RBFOX1: variants seen among roughly 807,000 people sequenced by gnomAD.
The protein encoded by RBFOX1 is RNA binding fox-1 homolog 1, also known as RNA binding protein fox-1 homolog 1.
Under a neutral mutation model 57.7 loss-of-function variants are expected in RBFOX1, and 8 were observed. That is an observed-to-expected ratio of 0.14 (90% CI 0.08 to 0.25). The LOEUF (loss-of-function observed/expected upper bound fraction) is 0.25, where lower values mean the gene tolerates loss of function less well. RBFOX1 is among the 10% of genes least tolerant of loss of function. The probability of loss-of-function intolerance (pLI) is 1.00; values close to 1 mark genes in which losing one functional copy is unlikely to be tolerated. For synonymous variants in RBFOX1, 326 were observed against 222.4 expected (o/e 1.47, Z -4.15); for missense variants, 611 against 548.5 (o/e 1.11, Z -1.14).
chr16:7,333,143 A>G, intron 4 of RBFOX1: 1 of 1,531,366 alleles, frequency 6.5e-7, no homozygotes, highest in Non-Finnish European at 9.0e-7. Context: ...TCAGAGTAAT[A>G]ATTGGAATTT....
chr16:6,004,422 G>A (rs749305087), intron 4 of RBFOX1, among the ~76,000 whole-genome samples: 13 of 152,294 alleles, frequency 8.5e-5, no homozygotes, highest in African/African-American at 2.4e-4. Context: ...TTAGGAAAGT[G>A]TACATAGGAA....
intron 4 of RBFOX1, among the ~76,000 whole-genome samples, chr16:7,299,792 C>A (rs552317362): frequency 2.6e-4 from 39 of 152,212 alleles, no homozygotes; most frequent in African/African-American, 9.4e-4. Flanking sequence ...GTAGATTGAC[C>A]CAAGAGAACT....
intron 4 of RBFOX1, among the ~76,000 whole-genome samples, chr16:7,397,579 C>G (rs1265892793): frequency 6.6e-6 from 1 of 152,158 alleles, no homozygotes; most frequent in African/African-American, 2.4e-5. Flanking sequence ...AGAGTCAGAA[C>G]TGAATGGAAG....
chr16:6,576,784 C>T (rs185584384), intron 2 of RBFOX1: 2 of 152,256 alleles, frequency 1.3e-5, no homozygotes, highest in African/African-American at 2.4e-5. Flanking sequence ...TCCCACAATC[C>T]TGGGGGAAGG....
chr16:7,560,577 G>A (rs4787046), intron 5 of RBFOX1, among the ~76,000 whole-genome samples: 128,762 of 151,340 alleles, frequency 0.85, 56,468 homozygotes, highest in Non-Finnish European at 0.97. Flanking sequence ...CAGCCAAAGC[G>A]TGTCCTGGAG....
At chr16:7,684,600 G>A (rs768402906) in intron 14 of RBFOX1, among the ~76,000 whole-genome samples, 6 of 144,480 alleles carry the variant, frequency 4.2e-5, no homozygotes, top group Non-Finnish European at 9.2e-5. Context: ...GGTTCTAACG[G>A]GTCTTGGGGA....
chr16:5,451,850 G>T (rs957445986), intron 1 of RBFOX1, among the ~76,000 whole-genome samples: 14 of 152,110 alleles, frequency 9.2e-5, no homozygotes, highest in Non-Finnish European at 1.9e-4. Context: ...GGTGGGCTTA[G>T]TCATGCCTAC....
At chr16:7,453,287 G>A (rs1273053208) in intron 4 of RBFOX1, among the ~76,000 whole-genome samples, 2 of 152,130 alleles carry the variant, frequency 1.3e-5, no homozygotes, top group Non-Finnish European at 1.5e-5. Context: ...GGATTGGCAT[G>A]TATGAAGATC....
intron 1 of RBFOX1, among the ~76,000 whole-genome samples, chr16:6,232,103 C>A (rs916698540): frequency 6.6e-6 from 1 of 152,146 alleles, no homozygotes; most frequent in African/African-American, 2.4e-5. Context: ...AATAATCATG[C>A]TGATCCATTT....
intron 1 of RBFOX1, among the ~76,000 whole-genome samples, chr16:5,435,639 G>A (rs766535858): frequency 3.9e-5 from 6 of 152,122 alleles, no homozygotes; most frequent in Non-Finnish European, 8.8e-5. Context: ...GTCACCATAG[G>A]TCCCATGTTT....
rs925259345 is a variant in RBFOX1 at position 5,338,240 on chromosome 16, G to A, written c.219+98135G>A. On this transcript the variant is annotated intron_variant, in intron 1 of 2. Coordinates refer to the RBFOX1 transcript ENST00000585867. Reference sequence around the variant, plus strand: ...CTTGGGAGCCACGTTTTTATTCCACGACCTCAGAATCTTGGCCATAGCTGA... The same window carrying A: ...CTTGGGAGCCACGTTTTTATTCCACAACCTCAGAATCTTGGCCATAGCTGA... 2.0e-5 allele frequency among the ~76,000 whole-genome samples: 3 copies of A among 152,118 alleles called. No individual in the cohort carries two copies. In the South Asian group the frequency reaches 6.3e-4, roughly 32 times the overall value.
intron 4 of RBFOX1, among the ~76,000 whole-genome samples, chr16:7,509,259 G>C (rs891377901): frequency 2.0e-5 from 3 of 152,176 alleles, no homozygotes; most frequent in South Asian, 2.1e-4. Flanking sequence ...TTTATTTTTT[G>C]TTTCTTGAAG....
chr16:7,493,314 A>G (rs1353507520), intron 4 of RBFOX1, among the ~76,000 whole-genome samples: 1 of 152,188 alleles, frequency 6.6e-6, no homozygotes, highest in Non-Finnish European at 1.5e-5. Context: ...GACAGTACAG[A>G]TATGGAATAT....
intron 1 of RBFOX1, among the ~76,000 whole-genome samples, chr16:5,277,709 TC>T (rs1456209626): frequency 6.6e-6 from 1 of 152,190 alleles, no homozygotes; most frequent in Non-Finnish European, 1.5e-5. Context: ...CACTTTGATT[TC>T]CAGGAGCCTA....
At chr16:6,955,348 G>GCACACACACACACA (rs34550051) in intron 3 of RBFOX1, among the ~76,000 whole-genome samples, 2 of 150,230 alleles carry the variant, frequency 1.3e-5, no homozygotes, top group Non-Finnish European at 3.0e-5. Flanking sequence ...CCCCACATAT[G>GCACACACACACACA]CACACACACA....
At chr16:7,473,937 C>T (rs965282844) in intron 4 of RBFOX1, among the ~76,000 whole-genome samples, 2 of 152,124 alleles carry the variant, frequency 1.3e-5, no homozygotes, top group Admixed American at 6.6e-5. Flanking sequence ...TGAACTCTAC[C>T]TATTAACTGG....
chr16:5,969,298 CTTTTT>C (rs71142659), intron 4 of RBFOX1, among the ~76,000 whole-genome samples: 1 of 83,750 alleles, frequency 1.2e-5, no homozygotes, highest in Non-Finnish European at 2.1e-5. Context: ...TTCGGTTGTT[CTTTTT>C]TTTTTTTTTT....
intron 2 of RBFOX1, among the ~76,000 whole-genome samples, chr16:6,394,200 T>C (rs1346885411): frequency 6.6e-6 from 1 of 152,212 alleles, no homozygotes. Flanking sequence ...AGTTGACATA[T>C]TGTTTGACCT....
intron 3 of RBFOX1, among the ~76,000 whole-genome samples, chr16:5,624,350 G>A (rs2005604): frequency 0.49 from 73,993 of 152,068 alleles, 21,836 homozygotes; most frequent in Non-Finnish European, 0.67. Context: ...ACCTACTACC[G>A]TGCCCAACTA....
Sources: gnomAD v4.1 joint callset for allele counts (sites outside exome capture counted in the v4.1 genomes callset) on GRCh38, gnomAD v4.1.1 for gene constraint, MANE v1.5 for transcripts, NCBI Gene and HGNC (gene_info 2026-07-23, HGNC 2026-07-21) for gene names.